Variants in CACNA2D3 observed in about 807,000 individuals in gnomAD.
CACNA2D3 encodes calcium voltage-gated channel auxiliary subunit alpha2delta 3.
A neutral mutation model predicts 160.6 loss-of-function variants in CACNA2D3; 60 were observed. That is an observed-to-expected ratio of 0.37 (90% CI 0.30 to 0.46). The LOEUF (loss-of-function observed/expected upper bound fraction) is 0.46, where lower values mean the gene tolerates loss of function less well. CACNA2D3 is among the 20% of genes least tolerant of loss of function. The pLI is 1.00. For synonymous variants in CACNA2D3, 558 were observed against 492.9 expected (o/e 1.13, Z -1.75); for missense variants, 1,205 against 1,365.0 (o/e 0.88, Z 1.85).
At chr3:54,912,427 C>T (rs1049295825) in intron 27 of CACNA2D3, among the ~76,000 whole-genome samples, 2 of 152,096 alleles carry the variant, frequency 1.3e-5, no homozygotes, top group East Asian at 1.9e-4. Context: ...ACCCTCTAAT[C>T]TCAGCTCCTT....
At chr3:54,731,867 A>G (rs1053742376) in intron 11 of CACNA2D3, among the ~76,000 whole-genome samples, 2 of 152,064 alleles carry the variant, frequency 1.3e-5, no homozygotes, top group African/African-American at 4.8e-5. Context: ...AGAAACGTAT[A>G]GGGCAATGGC....
At chr3:54,133,709 C>T (rs1553728285) in intron 2 of CACNA2D3, among the ~76,000 whole-genome samples, 1 of 152,178 alleles carries the variant, frequency 6.6e-6, no homozygotes, top group Non-Finnish European at 1.5e-5. Flanking sequence ...TTTAGTTGCC[C>T]TTGAGGGTCA....
intron 34 of CACNA2D3, among the ~76,000 whole-genome samples, chr3:55,010,687 T>A (rs1703192957): frequency 6.6e-6 from 1 of 152,230 alleles, no homozygotes; most frequent in Admixed American, 6.5e-5. Context: ...TAGTCACATA[T>A]CAGCATTGCC....
intron 2 of CACNA2D3, among the ~76,000 whole-genome samples, chr3:54,227,315 C>T (rs1701691929): frequency 6.6e-6 from 1 of 152,074 alleles, no homozygotes; most frequent in Non-Finnish European, 1.5e-5. Flanking sequence ...TGTGCGCTTC[C>T]TGGGGATAAG....
intron 11 of CACNA2D3, among the ~76,000 whole-genome samples, chr3:54,740,066 A>C (rs1701619037): frequency 6.6e-6 from 1 of 151,952 alleles, no homozygotes; most frequent in Non-Finnish European, 1.5e-5. Flanking sequence ...ATGGATGGGA[A>C]ACATAAAACA....
At chr3:54,972,354 T>A (rs9828470) in intron 29 of CACNA2D3, among the ~76,000 whole-genome samples, 1 of 152,154 alleles carries the variant, frequency 6.6e-6, no homozygotes, top group Non-Finnish European at 1.5e-5. Context: ...AGGCAACCAA[T>A]TGACACTGTT....
At chr3:54,828,323 G>C (rs1703788462) in intron 14 of CACNA2D3, among the ~76,000 whole-genome samples, 1 of 152,114 alleles carries the variant, frequency 6.6e-6, no homozygotes, top group Non-Finnish European at 1.5e-5. Context: ...AATTTTCATT[G>C]TCATTAGTCC....
At chr3:54,328,818 G>A (rs1050208489) in intron 3 of CACNA2D3, among the ~76,000 whole-genome samples, 18 of 152,154 alleles carry the variant, frequency 1.2e-4, no homozygotes, top group African/African-American at 4.3e-4. Context: ...TTTCTGGAGT[G>A]TATCATGGGA....
intron 11 of CACNA2D3, among the ~76,000 whole-genome samples, chr3:54,736,760 T>A (rs920629643): frequency 1.3e-5 from 2 of 152,204 alleles, no homozygotes; most frequent in African/African-American, 4.8e-5. Flanking sequence ...TGTTCTCATG[T>A]CATAATGTAG....
chr3:54,965,304 A>T (rs1702123498), intron 27 of CACNA2D3, among the ~76,000 whole-genome samples: 1 of 152,190 alleles, frequency 6.6e-6, no homozygotes, highest in African/African-American at 2.4e-5. Flanking sequence ...CAGCCTGAAC[A>T]ACTGGGTCCC....
chr3:54,831,809 C>T (rs900658767), intron 14 of CACNA2D3, among the ~76,000 whole-genome samples: 6 of 152,022 alleles, frequency 3.9e-5, no homozygotes, highest in Admixed American at 2.6e-4. Context: ...CATTTATGGC[C>T]CAGATTGGTA....
At chr3:54,169,116 C>T (rs986599952) in intron 2 of CACNA2D3, among the ~76,000 whole-genome samples, 5 of 152,092 alleles carry the variant, frequency 3.3e-5, no homozygotes, top group Admixed American at 6.5e-5. Flanking sequence ...AGTTGTGACA[C>T]GAGAGACCCC....
At chr3:54,560,288 T>C (rs980996206) in intron 5 of CACNA2D3, among the ~76,000 whole-genome samples, 1 of 152,260 alleles carries the variant, frequency 6.6e-6, no homozygotes, top group African/African-American at 2.4e-5. Context: ...CTGACTGGTA[T>C]GAGACAGTAT....
chr3:54,524,616 A>G lies in CACNA2D3; in HGVS notation c.544+20962A>G, dbSNP rs1701696312. Among the ~76,000 whole-genome samples the G allele has an allele frequency of 2.6e-5, 4 of 151,692 alleles. No individual in the cohort carries two copies. In the South Asian group the frequency reaches 8.3e-4, roughly 32 times the overall value. ...CTCACCAGTCATTGTTTAATTGTCT[A>G]TTTCTTTTTTCATCTCTGTCAGTTT... On this transcript the variant is annotated intron_variant, in intron 5 of 37. Coordinates refer to ENST00000474759, the MANE Select transcript of CACNA2D3 (RefSeq NM_018398.3).
At chr3:54,884,873 A>T (rs1699885934) in intron 21 of CACNA2D3, among the ~76,000 whole-genome samples, 1 of 152,246 alleles carries the variant, frequency 6.6e-6, no homozygotes, top group Admixed American at 6.5e-5. Context: ...TGACGTTTAG[A>T]GAAGTAAAAT....
intron 4 of CACNA2D3, among the ~76,000 whole-genome samples, chr3:54,421,186 A>G (rs1490761658): frequency 1.3e-5 from 2 of 152,220 alleles, no homozygotes; most frequent in Non-Finnish European, 1.5e-5. Flanking sequence ...GAACATATCT[A>G]TAATTGGCAG....
intron 10 of CACNA2D3, among the ~76,000 whole-genome samples, chr3:54,629,244 A>G (rs1699183268): frequency 6.6e-6 from 1 of 151,784 alleles, no homozygotes; most frequent in South Asian, 2.1e-4. Context: ...GGCTGTTGTC[A>G]TTTTGCAGGT....
intron 5 of CACNA2D3, among the ~76,000 whole-genome samples, chr3:54,507,685 A>G (rs1156536071): frequency 2.6e-5 from 4 of 152,208 alleles, no homozygotes; most frequent in Non-Finnish European, 4.4e-5. Context: ...CAGGAAAGCT[A>G]AAGAATAAGG....
chr3:54,556,091 T>C (rs1028651097), intron 5 of CACNA2D3, among the ~76,000 whole-genome samples: 9 of 152,122 alleles, frequency 5.9e-5, no homozygotes, highest in African/African-American at 1.9e-4. Flanking sequence ...CCATGAGATA[T>C]GGGTATGTTG....
Sources: gnomAD v4.1 joint callset for allele counts (sites outside exome capture counted in the v4.1 genomes callset) on GRCh38, gnomAD v4.1.1 for gene constraint, MANE v1.5 for transcripts, NCBI Gene and HGNC (gene_info 2026-07-23, HGNC 2026-07-21) for gene names.